Variants in PGCKA1 observed in about 807,000 individuals in gnomAD.
PGCKA1 encodes the protein PDCD10 and GCKIII kinases associated 1.
the PGCKA1 span, among the ~76,000 whole-genome samples, chr4:37,499,673 A>G: frequency 2.0e-5 from 3 of 151,272 alleles, no homozygotes; most frequent in Admixed American, 6.6e-5. Flanking sequence ...ATTTATGTAT[A>G]TTTGTGTCTT....
chr4:37,531,784 C>G, the PGCKA1 span, among the ~76,000 whole-genome samples: 16 of 147,844 alleles, frequency 1.1e-4, no homozygotes, highest in East Asian at 2.0e-4. Context: ...CCCAGCTACT[C>G]GGGAGGCTGA....
At chr4:37,562,435 A>T in the PGCKA1 span, among the ~76,000 whole-genome samples, 15 of 152,230 alleles carry the variant, frequency 9.9e-5, no homozygotes, top group Admixed American at 9.8e-4. Context: ...AATGATCCAG[A>T]TTCATGGCCT....
the PGCKA1 span, among the ~76,000 whole-genome samples, chr4:37,542,411 C>T: frequency 3.9e-3 from 598 of 152,306 alleles, no homozygotes; most frequent in Non-Finnish European, 7.0e-3. Flanking sequence ...ATTCCATGTA[C>T]AGATAAATTG....
chr4:37,520,663 G>A, the PGCKA1 span, among the ~76,000 whole-genome samples: 1 of 151,906 alleles, frequency 6.6e-6, no homozygotes, highest in Non-Finnish European at 1.5e-5. Flanking sequence ...TGTTGCCCAG[G>A]CTGGAGTGCA....
chr4:37,460,817 T>A, the PGCKA1 span: 1 of 343,720 alleles, frequency 2.9e-6, no homozygotes, highest in South Asian at 2.2e-5. Context: ...TTTCTTTTGC[T>A]GTGCAGAAGC....
the PGCKA1 span, among the ~76,000 whole-genome samples, chr4:37,589,689 G>T: frequency 6.6e-6 from 1 of 152,024 alleles, no homozygotes. Context: ...TGGAGTGCAG[G>T]GGCGTGATCT....
the PGCKA1 span, among the ~76,000 whole-genome samples, chr4:37,574,669 G>C: frequency 2.0e-5 from 3 of 152,188 alleles, no homozygotes; most frequent in South Asian, 6.2e-4. Flanking sequence ...GTAGTCACCT[G>C]TTAAGCTATC....
chr4:37,501,901 T>G, the PGCKA1 span, among the ~76,000 whole-genome samples: 1 of 152,136 alleles, frequency 6.6e-6, no homozygotes, highest in Non-Finnish European at 1.5e-5. Context: ...TCCTCAAGCT[T>G]TGAAGTTGCT....
the PGCKA1 span, among the ~76,000 whole-genome samples, chr4:37,566,358 G>GCCACCT: frequency 6.6e-6 from 1 of 151,140 alleles, no homozygotes. Flanking sequence ...TTGGCTCACT[G>GCCACCT]CCACCTCCAC....
chr4:37,549,791 G>C, the PGCKA1 span, among the ~76,000 whole-genome samples: 1 of 152,064 alleles, frequency 6.6e-6, no homozygotes, highest in African/African-American at 2.4e-5. Context: ...ACTGGGGGCT[G>C]TACATGGATG....
the PGCKA1 span, among the ~76,000 whole-genome samples, chr4:37,582,530 TCTC>T: frequency 6.6e-6 from 1 of 152,236 alleles, no homozygotes; most frequent in Non-Finnish European, 1.5e-5. Context: ...GTCTCTTAAA[TCTC>T]CTTGAATTTG....
the PGCKA1 span, among the ~76,000 whole-genome samples, chr4:37,543,334 A>T: frequency 4.6e-5 from 7 of 152,268 alleles, no homozygotes; most frequent in Non-Finnish European, 8.8e-5. Flanking sequence ...GAATTTTATA[A>T]CTGTGTAAAT....
chr4:37,539,984 C>T, the PGCKA1 span, among the ~76,000 whole-genome samples: 881 of 152,256 alleles, frequency 5.8e-3, 13 homozygotes, highest in African/African-American at 0.02. Context: ...TAAGATACTA[C>T]ACCTTACTGT....
the PGCKA1 span, among the ~76,000 whole-genome samples, chr4:37,547,664 A>G: frequency 4.6e-5 from 7 of 152,150 alleles, no homozygotes; most frequent in Non-Finnish European, 7.3e-5. Context: ...ACCAGTTTCC[A>G]CACATAGACA....
the PGCKA1 span, among the ~76,000 whole-genome samples, chr4:37,495,164 T>C: frequency 6.6e-6 from 1 of 151,886 alleles, no homozygotes; most frequent in East Asian, 1.9e-4. Flanking sequence ...GAAATGCAAA[T>C]CAAAATCACA....
At chr4:37,512,107 G>C in the PGCKA1 span, among the ~76,000 whole-genome samples, 4 of 152,292 alleles carry the variant, frequency 2.6e-5, no homozygotes, top group African/African-American at 9.6e-5. Flanking sequence ...CTGAAGGATG[G>C]GGGAATGGTG....
chr4:37,591,360 C>T, the PGCKA1 span: 1 of 172,828 alleles, frequency 5.8e-6, no homozygotes, highest in African/African-American at 2.4e-5. Flanking sequence ...AACCCTTGAT[C>T]CCAAAGGCAC....
the PGCKA1 span, among the ~76,000 whole-genome samples, chr4:37,485,511 C>T: frequency 6.6e-6 from 1 of 152,090 alleles, no homozygotes; most frequent in South Asian, 2.1e-4. Flanking sequence ...CAGATGGGGG[C>T]CCCTTGACCT....
chr4:37,583,459 C>T, the PGCKA1 span, among the ~76,000 whole-genome samples: 4 of 148,564 alleles, frequency 2.7e-5, no homozygotes, highest in African/African-American at 7.4e-5. Context: ...TTTTTTGAGA[C>T]GGAATCTCGC....
Sources: gnomAD v4.1 joint callset for allele counts (sites outside exome capture counted in the v4.1 genomes callset) on GRCh38, gnomAD v4.1.1 for gene constraint, MANE v1.5 for transcripts, NCBI Gene and HGNC (gene_info 2026-07-23, HGNC 2026-07-21) for gene names.